SYTL3: variants seen among roughly 807,000 people sequenced by gnomAD.
SYTL3 encodes synaptotagmin like 3.
A neutral mutation model predicts 82.1 loss-of-function variants in SYTL3; 88 were observed. The ratio of observed to expected loss-of-function variants is 1.07; its 90% CI spans 0.90 to 1.28. The LOEUF (loss-of-function observed/expected upper bound fraction) is 1.28. Ranked by LOEUF, SYTL3 falls within the 50% of genes most tolerant of loss-of-function variation. The probability of loss-of-function intolerance (pLI) is 0.00; values close to 1 mark genes in which losing one functional copy is unlikely to be tolerated. For synonymous variants in SYTL3, 311 were observed against 289.4 expected, an observed-to-expected ratio of 1.07 and a Z score of -0.76; for missense variants, 831 against 757.6, an observed-to-expected ratio of 1.10 and a Z score of -1.14.
chr6:158,693,852 TTTC>T (rs1418200991), intron 6 of SYTL3, among the ~76,000 whole-genome samples: 10 of 84,772 alleles, frequency 1.2e-4, no homozygotes, highest in African/African-American at 4.5e-4. Flanking sequence ...TTCTTTTTCT[TTTC>T]TTTTTTTTTT....
At chr6:158,736,123 G>A (rs1432819764) in intron 11 of SYTL3, among the ~76,000 whole-genome samples, 2 of 152,128 alleles carry the variant, frequency 1.3e-5, no homozygotes, top group Non-Finnish European at 2.9e-5. Context: ...AGGCCAGGGC[G>A]GGTGGATCAC....
Position 158,718,325 on chromosome 6 carries a change from TA to T in SYTL3, c.720+116del, listed in dbSNP as rs1423932579. On this transcript the variant is annotated intron_variant, in intron 10 of 17. Coordinates refer to ENST00000611299, the MANE Select transcript of SYTL3 (RefSeq NM_001242394.2). ...TTTCTTTGGTTTTATAGAAAAACAG[TA>T]AGCCATCAGAAAAACATAATTACCA... is the stretch of plus-strand genomic sequence containing the variant. 7.4e-6 allele frequency: 9 copies of T among 1,208,878 alleles called. No homozygotes were observed. The East Asian group carries it at 2.7e-4, about 36-fold the overall frequency. 74.9% of individuals were successfully genotyped at this position (1,208,878 alleles called of 1,614,324 possible).
chr6:158,760,582 C>G, intron 14 of SYTL3, 58 bp from the exon 15 acceptor site: 2 of 1,495,392 alleles, frequency 1.3e-6, no homozygotes, highest in Non-Finnish European at 9.3e-7. Flanking sequence ...CCAGAGGAAC[C>G]CAGAAGGTTC....
chr6:158,669,536 T>C (rs1259761746), intron 5 of SYTL3, among the ~76,000 whole-genome samples: 1 of 152,230 alleles, frequency 6.6e-6, no homozygotes, highest in African/African-American at 2.4e-5. Flanking sequence ...GGAGCTTATA[T>C]ACCATCATTA....
chr6:158,669,152 T>A (rs1777077941), intron 5 of SYTL3, among the ~76,000 whole-genome samples: 1 of 152,252 alleles, frequency 6.6e-6, no homozygotes, highest in Non-Finnish European at 1.5e-5. Flanking sequence ...GAGACTATGC[T>A]TTGTATGTTT....
At chr6:158,728,338 TAAAAA>T (rs371618708) in intron 11 of SYTL3, among the ~76,000 whole-genome samples, 1 of 147,308 alleles carries the variant, frequency 6.8e-6, no homozygotes, top group East Asian at 2.0e-4. Context: ...TACCACTTGT[TAAAAA>T]AAAAAAGAAA....
intron 6 of SYTL3, among the ~76,000 whole-genome samples, chr6:158,705,364 AGGG>A: frequency 3.2e-5 from 4 of 125,992 alleles, no homozygotes; most frequent in Non-Finnish European, 6.9e-5. Flanking sequence ...ATAGGGCAGG[AGGG>A]ACCCGGGGCA....
intron 14 of SYTL3, among the ~76,000 whole-genome samples, chr6:158,759,485 C>T (rs1291431807): frequency 1.3e-5 from 2 of 152,184 alleles, no homozygotes; most frequent in South Asian, 2.1e-4. Context: ...CCGGATGTGT[C>T]AAGACCAAAC....
chr6:158,743,228 T>C (rs964005012), intron 11 of SYTL3, among the ~76,000 whole-genome samples: 1 of 152,218 alleles, frequency 6.6e-6, no homozygotes, highest in Non-Finnish European at 1.5e-5. Flanking sequence ...CCTGTGTTGC[T>C]TACACAGGGA....
chr6:158,688,093 T>C (rs1277197281), intron 6 of SYTL3, among the ~76,000 whole-genome samples: 4 of 152,244 alleles, frequency 2.6e-5, no homozygotes, highest in Non-Finnish European at 5.9e-5. Context: ...TTTCCTATGT[T>C]ATTAAGACTT....
intron 12 of SYTL3, 149 bp downstream of exon 12, chr6:158,745,807 A>G: frequency 1.4e-6 from 1 of 698,280 alleles, no homozygotes; most frequent in South Asian, 2.1e-5. Flanking sequence ...AGCTGTAGCA[A>G]TGCAAACAAT....
intron 15 of SYTL3, among the ~76,000 whole-genome samples, chr6:158,761,297 A>ATTT (rs1789890435): frequency 1.4e-5 from 1 of 71,822 alleles, no homozygotes; most frequent in African/African-American, 6.7e-5. Context: ...GAGAATGCAC[A>ATTT]TTTCTTTTTT....
intron 11 of SYTL3, among the ~76,000 whole-genome samples, chr6:158,734,283 C>T (rs1785846783): frequency 6.6e-6 from 1 of 151,978 alleles, no homozygotes. Context: ...GCCAGTGGGC[C>T]AGTTTCTACT....
At chr6:158,665,752 C>T (rs1789976915) in intron 5 of SYTL3, 139 bp downstream of exon 5, 1 of 577,186 alleles carries the variant, frequency 1.7e-6, no homozygotes, top group Non-Finnish European at 3.0e-6. Flanking sequence ...AGGGAGCTAC[C>T]TTTCTAGCCT....
At chr6:158,703,967 G>T (rs562845469) in intron 6 of SYTL3, among the ~76,000 whole-genome samples, 1 of 151,512 alleles carries the variant, frequency 6.6e-6, no homozygotes, top group African/African-American at 2.4e-5. Context: ...GATTACAAGC[G>T]TGTGACCTCA....
intron 12 of SYTL3, 83 bp from the exon 13 acceptor site, chr6:158,751,845 T>C (rs1788423877): frequency 2.0e-6 from 2 of 1,020,702 alleles, no homozygotes. Context: ...AACGCTGGCA[T>C]GTGGGTTCTC....
chr6:158,703,636 C>T (rs775866048), intron 6 of SYTL3, among the ~76,000 whole-genome samples: 31 of 152,064 alleles, frequency 2.0e-4, no homozygotes, highest in Non-Finnish European at 3.4e-4. Context: ...CCGGATCTTG[C>T]TCCAATGGGA....
chr6:158,750,642 C>T (rs758642675), intron 12 of SYTL3, among the ~76,000 whole-genome samples: 4 of 152,098 alleles, frequency 2.6e-5, no homozygotes, highest in South Asian at 4.2e-4. Flanking sequence ...CTTCGGGCGT[C>T]GAGTAGCTGG....
At chr6:158,659,073 G>C (rs186483073) in intron 2 of SYTL3, among the ~76,000 whole-genome samples, 283 of 152,332 alleles carry the variant, frequency 1.9e-3, no homozygotes, top group African/African-American at 6.5e-3. Context: ...TCAAGGTTTA[G>C]AGAAACTAGG....
Sources: gnomAD v4.1 joint callset for allele counts (sites outside exome capture counted in the v4.1 genomes callset) on GRCh38, gnomAD v4.1.1 for gene constraint, MANE v1.5 for transcripts, NCBI Gene and HGNC (gene_info 2026-07-23, HGNC 2026-07-21) for gene names.